FBXO40: variants seen among roughly 807,000 people sequenced by gnomAD.
The protein encoded by FBXO40 is F-box only protein 40.
In FBXO40, 50 loss-of-function variants were observed where a neutral mutation model predicts 49.9. That is an observed-to-expected ratio of 1.00 (90% CI 0.80 to 1.27). The LOEUF (loss-of-function observed/expected upper bound fraction) is 1.27, where lower values mean the gene tolerates loss of function less well. Among genes scored for constraint, FBXO40 ranks in the 50% most tolerant of loss-of-function variants. The pLI, the probability that FBXO40 is intolerant of heterozygous loss-of-function variation, is 0.00. For synonymous variants in FBXO40, 340 were observed against 320.2 expected (o/e 1.06, Z -0.66); for missense variants, 895 against 870.1 (o/e 1.03, Z -0.36).
rs200968444 is a variant in FBXO40 at position 121,622,262 on chromosome 3, T to C, written c.833T>C (p.Val278Ala). ...EPQENQKQQDVRTAMETTGLA... is the reference protein window; with the variant it reads ...EPQENQKQQDARTAMETTGLA... The stretch of plus-strand genomic sequence containing the variant: ...CAGGAAAATCAGAAGCAGCAGGACG[T>C]TCGTACAGCCATGGAAACCACAGGG... The change falls in exon 3 of 4, where the codon GTT becomes GCT. Residue 278 changes from valine (V) to alanine (A), a missense_variant. Coordinates refer to ENST00000338040, the MANE Select transcript of FBXO40 (RefSeq NM_016298.4). 5 of 1,614,124 alleles carry C rather than the reference T, an allele frequency of 3.1e-6. No homozygotes were observed. Among genetic ancestry groups the C allele is most frequent in the South Asian group, 1.1e-5 (1 of 91,028 alleles).
intron 1 of FBXO40, among the ~76,000 whole-genome samples, chr3:121,605,491 C>T (rs987464678): frequency 1.3e-5 from 2 of 152,226 alleles, no homozygotes; most frequent in African/African-American, 4.8e-5. Flanking sequence ...TAGCATTTGT[C>T]AAGGCATCAA....
At chr3:121,599,243 G>A (rs11923762) in intron 1 of FBXO40, among the ~76,000 whole-genome samples, 24,629 of 151,972 alleles carry the variant, frequency 0.16, 2,487 homozygotes, top group Admixed American at 0.33. Context: ...CGAGGTGGGC[G>A]GATCACCTGA....
intron 2 of FBXO40, among the ~76,000 whole-genome samples, chr3:121,621,215 A>G (rs1228027291): frequency 6.6e-6 from 1 of 152,226 alleles, no homozygotes; most frequent in Non-Finnish European, 1.5e-5. Flanking sequence ...TTCTAAACAC[A>G]TCTACTACAT....
intron 1 of FBXO40, among the ~76,000 whole-genome samples, chr3:121,602,292 T>C (rs1459847333): frequency 1.3e-5 from 2 of 152,218 alleles, no homozygotes; most frequent in African/African-American, 4.8e-5. Context: ...AAGTGGATAC[T>C]TCACAAATCT....
intron 1 of FBXO40, among the ~76,000 whole-genome samples, chr3:121,608,594 T>A (rs987723311): frequency 2.0e-5 from 3 of 152,228 alleles, no homozygotes; most frequent in African/African-American, 7.2e-5. Flanking sequence ...TGTCTAACAG[T>A]AAGGCCTGAT....
Position 121,621,606 on chromosome 3 carries a change from T to C in FBXO40, c.177T>C (p.Pro59=). The C allele has an allele frequency of 1.2e-6, 2 of 1,614,248 alleles. No individual in the cohort carries two copies. The highest frequency in any genetic ancestry group is 1.7e-6 in the Non-Finnish European group (2 of 1,180,040). Residue 59 remains proline (P), a synonymous_variant, in exon 3 of 4, where the codon CCT becomes CCC. Coordinates refer to ENST00000338040, the MANE Select transcript of FBXO40 (RefSeq NM_016298.4). ...CKEAEHQLLC[P]LEQVPCLNSE... ...AGGCAGAGCACCAGCTCCTCTGCCC[T>C]TTAGAGCAGGTTCCGTGCCTCAACT...
At chr3:121,601,210 C>T (rs554586087) in intron 1 of FBXO40, among the ~76,000 whole-genome samples, 13 of 152,178 alleles carry the variant, frequency 8.5e-5, no homozygotes, top group Non-Finnish European at 1.6e-4. Flanking sequence ...GAACAATTTC[C>T]CCCCCATACA....
In FBXO40 at chr3:121,628,020, C is replaced by A. The variant is rs973213718; in HGVS notation, c.*1110C>A. On this transcript the variant is annotated 3_prime_UTR_variant, in exon 4 of 4. Coordinates refer to ENST00000338040, the MANE Select transcript of FBXO40 (RefSeq NM_016298.4). Reference sequence around the variant, plus strand: ...ATTTCTGGTCATGCTTTCAGTCTGACAAAAATGGATGATACTGCTGTTTTT... The same window carrying A: ...ATTTCTGGTCATGCTTTCAGTCTGAAAAAAATGGATGATACTGCTGTTTTT... The A allele has an allele frequency of 2.5e-6, 1 of 397,980 alleles. No homozygotes were observed. Among genetic ancestry groups the A allele is most frequent in the Non-Finnish European group, 4.4e-6 (1 of 225,892 alleles). The allele number at this position is 397,980 out of a possible 1,614,324, so 24.7% of individuals were successfully genotyped here.
At position 121,622,680 on chromosome 3, in the gene FBXO40, A is replaced by T. The variant is rs764552176; in HGVS notation, c.1251A>T (p.Arg417Ser). The change falls in exon 3 of 4, where the codon AGA becomes AGT. Residue 417 changes from arginine (R) to serine (S), a missense_variant. Arg to Ser is a moderately radical substitution (Grantham distance 110). Transcript: ENST00000338040. ...ELKGHVISES[R>S]SIDGLFMDFA... ...AAGGCCACGTCATCTCTGAATCCAG[A>T]AGCATTGATGGACTGTTCATGGATT... 51 of 1,614,186 alleles carry T rather than the reference A, an allele frequency of 3.2e-5. No homozygotes were observed. Among genetic ancestry groups the T allele is most frequent in the Non-Finnish European group, 4.3e-5 (51 of 1,180,030 alleles).
At chr3:121,604,640 T>G (rs1375350374) in intron 1 of FBXO40, among the ~76,000 whole-genome samples, 1 of 152,224 alleles carries the variant, frequency 6.6e-6, no homozygotes, top group African/African-American at 2.4e-5. Context: ...TTGGGATATA[T>G]ATACAATATT....
rs1236291932 is a variant in FBXO40, at chr3:121,622,483, G to T, written c.1054G>T (p.Val352Phe). ...QEVKTVYTFK[V>F]PVSYCGKRAR... ...AGTTAAGACTGTTTACACCTTCAAA[G>T]TTCCTGTGAGCTACTGTGGAAAGCG... The change falls in exon 3 of 4, where the codon GTT becomes TTT. Residue 352 changes from valine (V) to phenylalanine (F), a missense_variant. Physicochemically the swap from Val to Phe is conservative, Grantham distance 50. Coordinates refer to ENST00000338040, the MANE Select transcript of FBXO40 (RefSeq NM_016298.4). 1.2e-6 allele frequency: 2 copies of T among 1,614,104 alleles called. No homozygotes were observed. Among genetic ancestry groups the T allele is most frequent in the Non-Finnish European group, 1.7e-6 (2 of 1,180,054 alleles).
intron 1 of FBXO40, among the ~76,000 whole-genome samples, chr3:121,596,633 A>T (rs1039512978): frequency 2.0e-4 from 31 of 152,202 alleles, no homozygotes; most frequent in African/African-American, 7.5e-4. Flanking sequence ...GTGCCTGTCA[A>T]GTGTTTAAAA....
At chr3:121,624,142 C>A (rs969266121) in intron 3 of FBXO40, among the ~76,000 whole-genome samples, 2 of 145,746 alleles carry the variant, frequency 1.4e-5, no homozygotes, top group Middle Eastern at 3.6e-3. Context: ...AGACATGCAC[C>A]AACACGCCAG....
At chr3:121,600,194 A>ATTTTT (rs71133558) in intron 1 of FBXO40, among the ~76,000 whole-genome samples, 14 of 88,396 alleles carry the variant, frequency 1.6e-4, no homozygotes, top group East Asian at 3.6e-4. Context: ...CACTTGGCTG[A>ATTTTT]TTTTTTTTTT....
chr3:121,619,852 G>A (rs1320103571), intron 1 of FBXO40, among the ~76,000 whole-genome samples: 3 of 152,148 alleles, frequency 2.0e-5, no homozygotes, highest in African/African-American at 7.2e-5. Context: ...ACAAAAGTCC[G>A]CATCCCCACT....
chr3:121,611,502 A>G (rs193135004), intron 1 of FBXO40, among the ~76,000 whole-genome samples: 91 of 152,360 alleles, frequency 6.0e-4, no homozygotes, highest in African/African-American at 2.1e-3. Context: ...GCATTGCTGT[A>G]AACATGTCTT....
chr3:121,616,008 C>T (rs2048995774), intron 1 of FBXO40, among the ~76,000 whole-genome samples: 1 of 152,216 alleles, frequency 6.6e-6, no homozygotes, highest in Non-Finnish European at 1.5e-5. Context: ...CAGACACCCT[C>T]ACACTGGGAA....
rs137900064 is a variant in FBXO40, at chr3:121,597,658, C to CTTTTTTTTTTTT, written c.-31+4156_-31+4157insTTTTTTTTTTTT. Among the ~76,000 whole-genome samples the CTTTTTTTTTTTT allele has an allele frequency of 1.6e-5, 2 of 127,820 alleles. 1 individual carries two copies. The allele number at this position is 127,820 out of a possible 152,430, so 83.9% of individuals were successfully genotyped here. A position where few individuals can be genotyped will look rare whatever the true frequency, so the allele number is the denominator to read the frequency against. On this transcript the variant is annotated intron_variant, in intron 1 of 3. Coordinates refer to ENST00000338040, the MANE Select transcript of FBXO40 (RefSeq NM_016298.4). ...CAACCCTATTGGTTATTATAGGCCC[C>CTTTTTTTTTTTT]CTTTTTTTTTTTTTTTTTTTTGAGA...
At chr3:121,618,340 T>C (rs2049009781) in intron 1 of FBXO40, among the ~76,000 whole-genome samples, 1 of 151,512 alleles carries the variant, frequency 6.6e-6, no homozygotes, top group Non-Finnish European at 1.5e-5. Flanking sequence ...CTGAAGTACT[T>C]AGGGATAAAG....
Sources: allele counts gnomAD v4.1 joint callset (sites outside exome capture counted in the v4.1 genomes callset), GRCh38; gene constraint gnomAD v4.1.1; transcripts MANE v1.5; gene names NCBI Gene and HGNC (gene_info 2026-07-23, HGNC 2026-07-21).